The following KATNIP variants were observed in gnomAD, a reference collection of about 807,000 sequenced individuals.
The protein encoded by KATNIP is katanin-interacting protein.
KATNIP carries 126 observed loss-of-function variants against 174.0 expected under a neutral mutation model. That is an observed-to-expected ratio of 0.72 (90% CI 0.63 to 0.84). KATNIP has a LOEUF of 0.84. Among genes scored for constraint, KATNIP ranks in the 40% least tolerant of loss-of-function variants. The probability of loss-of-function intolerance (pLI) is 0.00; values close to 1 mark genes in which losing one functional copy is unlikely to be tolerated. For synonymous variants in KATNIP, 810 were observed against 835.7 expected, an observed-to-expected ratio of 0.97 and a Z score of 0.53; for missense variants, 1,958 against 2,109.7, an observed-to-expected ratio of 0.93 and a Z score of 1.41.
At chr16:27,764,507 T>A (rs2082062352) in intron 19 of KATNIP, among the ~76,000 whole-genome samples, 1 of 152,240 alleles carries the variant, frequency 6.6e-6, no homozygotes, top group Non-Finnish European at 1.5e-5. Flanking sequence ...AGACCTGGCA[T>A]CAGCCATTTC....
At chr16:27,737,782 A>G (rs575838712) in intron 14 of KATNIP, among the ~76,000 whole-genome samples, 1 of 152,302 alleles carries the variant, frequency 6.6e-6, no homozygotes, top group Admixed American at 6.5e-5. Context: ...AGAAATTCCT[A>G]TTGCGTATGG....
At position 27,678,126 on chromosome 16, in the gene KATNIP, G is replaced by A; in HGVS notation, c.808+130G>A. ...TCTCACAGGCCAGGGAGGTATATCA[G>A]TCAGGTCTCTGTTGATTGCAAGACG... is the stretch of plus-strand genomic sequence containing the variant. On this transcript the variant is annotated intron_variant, in intron 7 of 27. Transcript: ENST00000261588. The A allele has an allele frequency of 5.8e-6, 6 of 1,033,608 alleles. No homozygotes were observed. The South Asian group carries it at 9.8e-5, about 17-fold the overall frequency. The allele number at this position is 1,033,608 out of a possible 1,614,324, so 64.0% of individuals were successfully genotyped here.
At chr16:27,727,883 T>G (rs1276259534) in intron 14 of KATNIP, 1 of 152,248 alleles carries the variant, frequency 6.6e-6, no homozygotes, top group East Asian at 1.9e-4. Flanking sequence ...CAAAAAAAGT[T>G]TGTTTGTTTA....
intron 5 of KATNIP, among the ~76,000 whole-genome samples, chr16:27,633,035 C>G (rs2142182886): frequency 6.6e-6 from 1 of 152,234 alleles, no homozygotes; most frequent in South Asian, 2.1e-4. Flanking sequence ...CAGGCATGAG[C>G]CACCGCGCCC....
intron 14 of KATNIP, among the ~76,000 whole-genome samples, 186 bp downstream of exon 14, chr16:27,721,881 G>A (rs553384142): frequency 6.6e-5 from 10 of 152,286 alleles, no homozygotes; most frequent in African/African-American, 2.2e-4. Flanking sequence ...CAGAGCTTCC[G>A]GCTGCTGGTG....
In KATNIP at chr16:27,771,653, G is replaced by A. The variant is rs1269862499; in HGVS notation, c.4198+1G>A. Reference sequence around the variant, plus strand: ...GAGGCACCGCTGATGCCCTGTGGCTGTATCCTTCTCCTCCCGCCCCACCAG... The same window carrying A: ...GAGGCACCGCTGATGCCCTGTGGCTATATCCTTCTCCTCCCGCCCCACCAG... On this transcript the variant is annotated splice_donor_variant, in intron 22 of 27. Coordinates refer to ENST00000261588, the MANE Select transcript of KATNIP (RefSeq NM_015202.5). LOFTEE classifies it high-confidence loss of function. 3 of 1,613,070 alleles carry A rather than the reference G, an allele frequency of 1.9e-6. No individual in the cohort carries two copies. Among genetic ancestry groups the A allele is most frequent in the East Asian group, 2.2e-5 (1 of 44,858 alleles).
At chr16:27,724,388 A>G (rs887686793) in intron 14 of KATNIP, among the ~76,000 whole-genome samples, 2 of 152,190 alleles carry the variant, frequency 1.3e-5, no homozygotes, top group South Asian at 2.1e-4. Flanking sequence ...AGCAGATTTT[A>G]TGTGCAGGAT....
intron 1 of KATNIP, among the ~76,000 whole-genome samples, chr16:27,564,746 GGCTTGCTT>G (rs60987314): frequency 2.0e-5 from 3 of 151,822 alleles, no homozygotes; most frequent in Non-Finnish European, 2.9e-5. Context: ...GTGTCTGCCT[GGCTTGCTT>G]GCTTGCTTGC....
chr16:27,624,477 T>C (rs563984869), intron 3 of KATNIP, among the ~76,000 whole-genome samples: 1 of 152,304 alleles, frequency 6.6e-6, no homozygotes, highest in African/African-American at 2.4e-5. Context: ...TATTCATCCA[T>C]GTCTCCTGCC....
At chr16:27,550,340 G>A (rs1351903116) in intron 1 of KATNIP, among the ~76,000 whole-genome samples, 163 bp downstream of exon 1, 1 of 152,190 alleles carries the variant, frequency 6.6e-6, no homozygotes, top group East Asian at 1.9e-4. Flanking sequence ...TCTGGAACGC[G>A]GAGGAGAGCC....
chr16:27,686,763 T>A (rs1165422027), intron 8 of KATNIP, among the ~76,000 whole-genome samples: 1 of 152,160 alleles, frequency 6.6e-6, no homozygotes, highest in Non-Finnish European at 1.5e-5. Context: ...ATTATTATTC[T>A]AGTCATTACC....
chr16:27,656,001 C>T (rs2077269877), intron 6 of KATNIP, among the ~76,000 whole-genome samples: 1 of 152,158 alleles, frequency 6.6e-6, no homozygotes, highest in Admixed American at 6.5e-5. Flanking sequence ...AGCCAAATAT[C>T]TCCTCAGTGA....
intron 3 of KATNIP, among the ~76,000 whole-genome samples, chr16:27,619,734 G>A (rs1434830461): frequency 6.6e-6 from 1 of 152,088 alleles, no homozygotes; most frequent in Non-Finnish European, 1.5e-5. Flanking sequence ...CCTACCTACT[G>A]AGGCAGCACC....
intron 3 of KATNIP, among the ~76,000 whole-genome samples, chr16:27,621,782 G>T (rs951312211): frequency 6.6e-6 from 1 of 150,678 alleles, no homozygotes; most frequent in Non-Finnish European, 1.5e-5. Context: ...GGAGAGAGAG[G>T]GTGGGGGGGA....
At position 27,766,482 on chromosome 16, in the gene KATNIP, G is replaced by A. The variant is rs751485088; in HGVS notation, c.3975+8G>A. ...GAGGACACCTATCGCGGGGTAAGCTGGGGAGCAGTGGCCGTGCTCAGTCCA... is the reference window on the plus strand; with the variant it reads ...GAGGACACCTATCGCGGGGTAAGCTAGGGAGCAGTGGCCGTGCTCAGTCCA... On this transcript the variant is annotated splice_region_variant and intron_variant, in intron 20 of 27. Coordinates refer to ENST00000261588, the MANE Select transcript of KATNIP (RefSeq NM_015202.5). 1 of 1,608,696 alleles carries A rather than the reference G, an allele frequency of 6.2e-7. No homozygotes were observed. Among genetic ancestry groups the A allele is most frequent in the South Asian group, 1.1e-5 (1 of 91,002 alleles).
chr16:27,699,989 C>T (rs1368900205), intron 10 of KATNIP, among the ~76,000 whole-genome samples: 1 of 152,134 alleles, frequency 6.6e-6, no homozygotes, highest in Non-Finnish European at 1.5e-5. Flanking sequence ...CGGCTCACTA[C>T]AACCTCTGCC....
At chr16:27,550,958 T>C (rs1456492593) in intron 1 of KATNIP, among the ~76,000 whole-genome samples, 1 of 152,198 alleles carries the variant, frequency 6.6e-6, no homozygotes, top group Non-Finnish European at 1.5e-5. Flanking sequence ...ATTGAGGCTG[T>C]AACTGAAAAT....
At chr16:27,751,480 C>G (rs2081514644) in intron 16 of KATNIP, among the ~76,000 whole-genome samples, 1 of 152,090 alleles carries the variant, frequency 6.6e-6, no homozygotes, top group African/African-American at 2.4e-5. Context: ...ATGTCACTTG[C>G]CTGATGACAT....
At chr16:27,559,756 G>A (rs1022482678) in intron 1 of KATNIP, among the ~76,000 whole-genome samples, 13 of 151,786 alleles carry the variant, frequency 8.6e-5, no homozygotes, top group East Asian at 3.9e-4. Context: ...CGAGGCAGGC[G>A]GATCACTTGA....
Sources: allele counts gnomAD v4.1 joint callset (sites outside exome capture counted in the v4.1 genomes callset), GRCh38; gene constraint gnomAD v4.1.1; transcripts MANE v1.5; gene names NCBI Gene and HGNC (gene_info 2026-07-23, HGNC 2026-07-21).